MAP2: variants seen among roughly 807,000 people sequenced by gnomAD.
MAP2 encodes microtubule-associated protein 2.
In MAP2, 14 loss-of-function variants were observed where a neutral mutation model predicts 137.6. The observed-to-expected ratio is 0.10, with a 90% confidence interval of 0.07 to 0.16. The LOEUF (loss-of-function observed/expected upper bound fraction) is 0.16. Among genes scored for constraint, MAP2 ranks in the 10% least tolerant of loss-of-function variants. The probability of loss-of-function intolerance (pLI) is 1.00; values close to 1 mark genes in which losing one functional copy is unlikely to be tolerated. For missense variants in MAP2, 2,088 were observed against 2,191.5 expected (o/e 0.95, Z 0.94); for synonymous variants, 786 against 782.3 (o/e 1.00, Z -0.08).
chr2:209,540,660 A>AAAGAAAAAAAAAAAAAAAAAAAAAG (rs2066846481), intron 2 of MAP2, among the ~76,000 whole-genome samples: 1 of 129,206 alleles, frequency 7.7e-6, no homozygotes, highest in African/African-American at 3.6e-5. Flanking sequence ...AAAAAAAAAA[A>AAAGAAAAAAAAAAAAAAAAAAAAAG]AAGAAGAAAA....
At chr2:209,527,387 A>C (rs1197675239) in intron 2 of MAP2, among the ~76,000 whole-genome samples, 1 of 152,130 alleles carries the variant, frequency 6.6e-6, no homozygotes, top group Non-Finnish European at 1.5e-5. Context: ...TTTTTGGCAC[A>C]TCATAGTTGC....
intron 2 of MAP2, among the ~76,000 whole-genome samples, chr2:209,538,657 G>A (rs1353014753): frequency 6.6e-6 from 1 of 151,342 alleles, no homozygotes; most frequent in Non-Finnish European, 1.5e-5. Context: ...GTACACTTTG[G>A]ATTAAAATAC....
chr2:209,567,567 A>C (rs948156184), intron 2 of MAP2, among the ~76,000 whole-genome samples: 1 of 152,038 alleles, frequency 6.6e-6, no homozygotes, highest in African/African-American at 2.4e-5. Context: ...TTCCATTTGA[A>C]ATAAAAAAGT....
At chr2:209,641,894 G>A (rs965854755) in intron 4 of MAP2, among the ~76,000 whole-genome samples, 10 of 152,032 alleles carry the variant, frequency 6.6e-5, no homozygotes, top group Admixed American at 6.6e-5. Context: ...TCATATGGTA[G>A]GTTGTTACCA....
intron 5 of MAP2, among the ~76,000 whole-genome samples, chr2:209,667,276 C>T (rs2046760760): frequency 6.6e-6 from 1 of 151,874 alleles, no homozygotes; most frequent in African/African-American, 2.4e-5. Context: ...AGAAAAAGAG[C>T]AAAAACAACA....
At chr2:209,592,199 A>G (rs1468908639) in intron 3 of MAP2, among the ~76,000 whole-genome samples, 1 of 152,194 alleles carries the variant, frequency 6.6e-6, no homozygotes, top group Non-Finnish European at 1.5e-5. Flanking sequence ...CATCACAGCA[A>G]CTTACATACA....
intron 1 of MAP2, among the ~76,000 whole-genome samples, chr2:209,458,174 A>G (rs772251312): frequency 6.6e-6 from 1 of 152,180 alleles, no homozygotes; most frequent in Non-Finnish European, 1.5e-5. Flanking sequence ...CTATACTCCC[A>G]GAACAGGAGA....
intron 2 of MAP2, among the ~76,000 whole-genome samples, chr2:209,542,340 C>T (rs2067207406): frequency 1.3e-5 from 2 of 152,290 alleles, no homozygotes; most frequent in South Asian, 4.2e-4. Flanking sequence ...CCAGGTGGTT[C>T]CATTTGCAGA....
Position 209,444,178 on chromosome 2 carries a change from A to T in MAP2, c.-222+19902A>T, listed in dbSNP as rs1394675114. ...CATTAACCATTAACACCAGCAAAGTAGTCAGAAGTTTAAGACATCTATCTC... is the reference window on the plus strand; with the variant it reads ...CATTAACCATTAACACCAGCAAAGTTGTCAGAAGTTTAAGACATCTATCTC... On this transcript the variant is annotated intron_variant, in intron 1 of 15. Transcript: ENST00000682079. 2.6e-5 allele frequency among the ~76,000 whole-genome samples: 4 copies of T among 151,704 alleles called. No individual in the cohort carries two copies. The East Asian group carries it at 7.7e-4, about 29-fold the overall frequency.
rs370361206 is a variant in MAP2, at chr2:209,666,761, A to C, written c.263-11811A>C. On this transcript the variant is annotated intron_variant, in intron 5 of 15. Coordinates refer to ENST00000682079, the MANE Select transcript of MAP2 (RefSeq NM_001375505.1). ...TTTAATTTTTTTATGTGAAGAAAAA[A>C]ATTTTATCATCTTATGATGGAATTA... Among the ~76,000 whole-genome samples, 22 of 151,978 alleles carry C rather than the reference A, an allele frequency of 1.4e-4. No individual in the cohort carries two copies. In the East Asian group the frequency reaches 2.5e-3, roughly 17 times the overall value.
intron 1 of MAP2, among the ~76,000 whole-genome samples, chr2:209,458,986 A>T (rs1461429347): frequency 6.6e-6 from 1 of 152,214 alleles, no homozygotes; most frequent in African/African-American, 2.4e-5. Context: ...ATGTTATCTG[A>T]CAAATAATCA....
chr2:209,696,687 A>G lies in MAP2; in HGVS notation c.4326A>G (p.Glu1442=), dbSNP rs763155013. The stretch of plus-strand genomic sequence containing the variant: ...GGAGAGGCAGAATTTCCACTCCTGA[A>G]AGAAAAGTAGCTAAAAAGGAACCTA... The part of the protein sequence containing the change: ...KTGRGRISTP[E]RKVAKKEPST... The change falls in exon 9 of 16, where the codon GAA becomes GAG. Residue 1442 remains glutamate, a synonymous_variant. Coordinates refer to ENST00000682079, the MANE Select transcript of MAP2 (RefSeq NM_001375505.1). The G allele has an allele frequency of 3.7e-6, 6 of 1,614,054 alleles. No individual in the cohort carries two copies. In the Admixed American group the frequency reaches 8.3e-5, roughly 22 times the overall value.
intron 2 of MAP2, among the ~76,000 whole-genome samples, chr2:209,517,337 CATAAAT>C (rs1418358328): frequency 3.3e-5 from 5 of 152,078 alleles, no homozygotes; most frequent in Non-Finnish European, 7.4e-5. Context: ...TTCACTTTTA[CATAAAT>C]ATAAAGAGGA....
At chr2:209,455,369 A>G (rs1042924809) in intron 1 of MAP2, among the ~76,000 whole-genome samples, 2 of 152,202 alleles carry the variant, frequency 1.3e-5, no homozygotes, top group African/African-American at 4.8e-5. Flanking sequence ...GAACAATCAC[A>G]TTTTAAAGGC....
chr2:209,579,756 G>A (rs1559345688), intron 2 of MAP2: 1 of 152,182 alleles, frequency 6.6e-6, no homozygotes. Flanking sequence ...ATATGCGCTG[G>A]TAATGGTTTG....
Position 209,695,876 on chromosome 2 carries a change from G to A in MAP2, c.3706G>A (p.Glu1236Lys). The part of the protein sequence containing the change: ...VSEPAEIQSE[E>K]EEIEAQGEYD... ...TGAACCAGCAGAGATTCAGAGTGAG[G>A]AAGAAGAGATAGAAGCCCAGGGAGA... Residue 1236 changes from glutamate (E) to lysine (K), a missense_variant, in exon 8 of 16, where the codon GAA becomes AAA. By Grantham distance (56) the Glu-to-Lys change is moderately conservative. Transcript: ENST00000682079. The A allele has an allele frequency of 6.2e-7, 1 of 1,614,102 alleles. No individual in the cohort carries two copies. Among genetic ancestry groups the A allele is most frequent in the Non-Finnish European group, 8.5e-7 (1 of 1,180,000 alleles).
At position 209,434,240 on chromosome 2, in the gene MAP2, G is replaced by C. The variant is rs1236266803; in HGVS notation, c.-222+9964G>C. On this transcript the variant is annotated intron_variant, in intron 1 of 15. Coordinates refer to ENST00000682079, the MANE Select transcript of MAP2 (RefSeq NM_001375505.1). ...CTTTAAATACACTTTGCAGACATTT[G>C]ATTTATTGTACTTTCGGCATGGTTC... Among the ~76,000 whole-genome samples the C allele has an allele frequency of 5.9e-5, 9 of 152,008 alleles. No homozygotes were observed. In the South Asian group the frequency reaches 1.9e-3, roughly 32 times the overall value.
intron 1 of MAP2, among the ~76,000 whole-genome samples, chr2:209,479,515 G>T (rs1220296717): frequency 6.6e-6 from 1 of 152,034 alleles, no homozygotes; most frequent in African/African-American, 2.4e-5. Context: ...CTGGAAATCG[G>T]AAATTCACAA....
intron 2 of MAP2, among the ~76,000 whole-genome samples, chr2:209,544,818 A>G (rs1218849137): frequency 2.0e-5 from 3 of 152,182 alleles, no homozygotes; most frequent in East Asian, 1.9e-4. Context: ...CAATATTTTT[A>G]TGGAGGTTGG....
Sources: allele counts gnomAD v4.1 joint callset (sites outside exome capture counted in the v4.1 genomes callset), GRCh38; gene constraint gnomAD v4.1.1; transcripts MANE v1.5; gene names NCBI Gene and HGNC (gene_info 2026-07-23, HGNC 2026-07-21).